Variants in ARB2A observed in about 807,000 individuals in gnomAD.
The protein encoded by ARB2A is cotranscriptional regulator ARB2A.
chr5:94,022,608 A>G, the ARB2A span, among the ~76,000 whole-genome samples: 1 of 152,196 alleles, frequency 6.6e-6, no homozygotes, highest in Non-Finnish European at 1.5e-5. Context: ...ATAATACTAT[A>G]CTAATTTGGA....
At chr5:93,893,969 A>G in the ARB2A span, among the ~76,000 whole-genome samples, 3 of 152,218 alleles carry the variant, frequency 2.0e-5, no homozygotes, top group Non-Finnish European at 2.9e-5. Flanking sequence ...ATAGGCACTC[A>G]GCAGCTAAAC....
At chr5:93,854,200 C>T in the ARB2A span, among the ~76,000 whole-genome samples, 534 of 152,234 alleles carry the variant, frequency 3.5e-3, 8 homozygotes, top group African/African-American at 0.012. Context: ...GTGTATGTGT[C>T]GAGAAATTTA....
the ARB2A span, among the ~76,000 whole-genome samples, chr5:93,998,555 A>G: frequency 2.6e-5 from 4 of 152,138 alleles, no homozygotes; most frequent in Middle Eastern, 3.4e-3. Context: ...TTCCTGGAGC[A>G]TAGAAAGATG....
At chr5:94,015,962 C>T in the ARB2A span, among the ~76,000 whole-genome samples, 33 of 152,084 alleles carry the variant, frequency 2.2e-4, no homozygotes, top group Middle Eastern at 0.01. Context: ...CTGAATGTAA[C>T]GAACACAATT....
At chr5:94,012,021 G>T in the ARB2A span, among the ~76,000 whole-genome samples, 1 of 149,844 alleles carries the variant, frequency 6.7e-6, no homozygotes, top group African/African-American at 2.4e-5. Flanking sequence ...AGAGACTAGT[G>T]TGACATGACA....
the ARB2A span, among the ~76,000 whole-genome samples, chr5:93,986,267 C>T: frequency 5.3e-5 from 8 of 150,938 alleles, no homozygotes; most frequent in East Asian, 2.0e-4. Flanking sequence ...ACCCAGCAGC[C>T]GCCCCATCTG....
chr5:94,029,953 C>T, the ARB2A span, among the ~76,000 whole-genome samples: 3 of 152,090 alleles, frequency 2.0e-5, no homozygotes, highest in African/African-American at 4.8e-5. Context: ...ACAATCATGG[C>T]GGAAGAGCAA....
chr5:93,850,782 A>G, the ARB2A span, among the ~76,000 whole-genome samples: 2 of 152,210 alleles, frequency 1.3e-5, no homozygotes, highest in African/African-American at 2.4e-5. Flanking sequence ...TTTGGAGTCA[A>G]TATGAACATT....
At chr5:94,089,491 A>C in the ARB2A span, among the ~76,000 whole-genome samples, 2 of 152,132 alleles carry the variant, frequency 1.3e-5, 1 homozygote, top group South Asian at 4.1e-4. Context: ...AAATTCGGAC[A>C]GCTTTTTAAA....
At chr5:93,810,664 T>G in the ARB2A span, among the ~76,000 whole-genome samples, 2 of 152,042 alleles carry the variant, frequency 1.3e-5, no homozygotes, top group African/African-American at 2.4e-5. Context: ...CACCTCAGCC[T>G]CCCAAAGAGC....
chr5:93,946,661 T>G, the ARB2A span, among the ~76,000 whole-genome samples: 68 of 152,262 alleles, frequency 4.5e-4, no homozygotes, highest in Non-Finnish European at 8.5e-4. Flanking sequence ...AACCAAAATG[T>G]ATTGAAAATG....
chr5:93,942,164 T>C, the ARB2A span, among the ~76,000 whole-genome samples: 4 of 152,180 alleles, frequency 2.6e-5, no homozygotes, highest in African/African-American at 7.2e-5. Context: ...GTTGAAATCA[T>C]AAAGGAATAA....
At chr5:93,890,828 CG>C in the ARB2A span, among the ~76,000 whole-genome samples, 1 of 152,026 alleles carries the variant, frequency 6.6e-6, no homozygotes, top group Non-Finnish European at 1.5e-5. Flanking sequence ...TACACTGGTT[CG>C]TTTATTCCCC....
chr5:93,703,249 C>T, the ARB2A span, among the ~76,000 whole-genome samples: 1 of 152,090 alleles, frequency 6.6e-6, no homozygotes, highest in Non-Finnish European at 1.5e-5. Flanking sequence ...TCAGGAACTG[C>T]CTCTGGTGCT....
chr5:93,756,241 A>G, the ARB2A span, among the ~76,000 whole-genome samples: 288 of 152,252 alleles, frequency 1.9e-3, no homozygotes, highest in Middle Eastern at 0.014. Flanking sequence ...GGAGAGTCTG[A>G]GCTCAGACAT....
At chr5:93,811,227 G>A in the ARB2A span, among the ~76,000 whole-genome samples, 2 of 152,210 alleles carry the variant, frequency 1.3e-5, no homozygotes, top group South Asian at 2.1e-4. Flanking sequence ...TTTGGCCAAC[G>A]AAACTCATCT....
the ARB2A span, chr5:93,784,150 C>T: frequency 1.2e-5 from 5 of 415,392 alleles, no homozygotes; most frequent in African/African-American, 4.1e-5. Flanking sequence ...ACACTATACA[C>T]ATATAGTGTT....
At chr5:93,692,141 C>T in the ARB2A span, among the ~76,000 whole-genome samples, 1 of 152,002 alleles carries the variant, frequency 6.6e-6, no homozygotes, top group Non-Finnish European at 1.5e-5. Flanking sequence ...AACCAGCTAG[C>T]CATCATAATG....
At chr5:93,705,010 C>T in the ARB2A span, among the ~76,000 whole-genome samples, 1 of 152,166 alleles carries the variant, frequency 6.6e-6, no homozygotes, top group African/African-American at 2.4e-5. Context: ...CTGCTTTCCT[C>T]ACAGGACTGT....
Sources: gnomAD v4.1 joint callset for allele counts (sites outside exome capture counted in the v4.1 genomes callset) on GRCh38, gnomAD v4.1.1 for gene constraint, MANE v1.5 for transcripts, NCBI Gene and HGNC (gene_info 2026-07-23, HGNC 2026-07-21) for gene names.